The following DAPK1 variants were observed in gnomAD, a reference collection of about 807,000 sequenced individuals.
DAPK1 encodes death-associated protein kinase 1.
In DAPK1, 56 loss-of-function variants were observed where a neutral mutation model predicts 144.9. The ratio of observed to expected loss-of-function variants is 0.39; its 90% CI spans 0.31 to 0.48. The LOEUF is 0.48. Among genes scored for constraint, DAPK1 ranks in the 20% least tolerant of loss-of-function variants. The probability of loss-of-function intolerance (pLI) is 0.95; values close to 1 mark genes in which losing one functional copy is unlikely to be tolerated. For missense variants in DAPK1, 1,454 were observed against 1,875.4 expected (o/e 0.78, Z 4.15); for synonymous variants, 690 against 749.0 (o/e 0.92, Z 1.29).
Position 87,603,024 on chromosome 9 carries a change from A to G in DAPK1, c.63-1930A>G, listed in dbSNP as rs112701138. Among the ~76,000 whole-genome samples the G allele has an allele frequency of 2.6e-3, 398 of 152,034 alleles. 6 individuals are homozygous for G. Among genetic ancestry groups the G allele is most frequent in the African/African-American group, 8.6e-3 (355 of 41,418 alleles). Reference sequence around the variant, plus strand: ...GCCTTGAGTTGGAAGTCTCTGAGACAAGTTGCTTTGGCCATGTGTGAGGTA... The same window carrying G: ...GCCTTGAGTTGGAAGTCTCTGAGACGAGTTGCTTTGGCCATGTGTGAGGTA... On this transcript the variant is annotated intron_variant, in intron 2 of 25. Coordinates refer to ENST00000408954, the MANE Select transcript of DAPK1 (RefSeq NM_004938.4).
intron 2 of DAPK1, among the ~76,000 whole-genome samples, chr9:87,594,479 G>A (rs768763918): frequency 5.9e-5 from 9 of 152,218 alleles, no homozygotes; most frequent in Non-Finnish European, 1.2e-4. Flanking sequence ...CATATCTGAA[G>A]CATGTAGGAT....
intron 17 of DAPK1, among the ~76,000 whole-genome samples, chr9:87,654,467 G>A (rs1830565038): frequency 6.6e-6 from 1 of 152,182 alleles, no homozygotes; most frequent in South Asian, 2.1e-4. Context: ...TGCATGTTAT[G>A]TGATTAACTC....
chr9:87,540,673 C>T (rs574734291), intron 2 of DAPK1, among the ~76,000 whole-genome samples: 3 of 152,286 alleles, frequency 2.0e-5, no homozygotes, highest in South Asian at 4.1e-4. Flanking sequence ...TTCCTGAAAG[C>T]TGTGAAATCA....
chr9:87,518,114 T>TG (rs1825144443), intron 2 of DAPK1, among the ~76,000 whole-genome samples: 1 of 143,454 alleles, frequency 7.0e-6, no homozygotes, highest in African/African-American at 2.6e-5. Context: ...TGTTTTTTTT[T>TG]TTTTTTTTTT....
intron 21 of DAPK1, among the ~76,000 whole-genome samples, chr9:87,691,371 T>C (rs1251650213): frequency 6.6e-6 from 1 of 151,934 alleles, no homozygotes; most frequent in East Asian, 1.9e-4. Context: ...TTCTTTTGGG[T>C]CTTCTCTCTT....
At chr9:87,688,081 A>T (rs2117931979) in intron 21 of DAPK1, among the ~76,000 whole-genome samples, 1 of 152,108 alleles carries the variant, frequency 6.6e-6, no homozygotes, top group African/African-American at 2.4e-5. Flanking sequence ...TAGGGTACAA[A>T]TGATCCCTCC....
chr9:87,505,611 G>A (rs1368426573), intron 2 of DAPK1, among the ~76,000 whole-genome samples: 1 of 152,274 alleles, frequency 6.6e-6, no homozygotes, highest in East Asian at 1.9e-4. Context: ...TGGCCAGGCT[G>A]GTCTTGAACT....
Position 87,619,901 on chromosome 9 carries a change from G to A in DAPK1, c.284+14726G>A, listed in dbSNP as rs1049885699. On this transcript the variant is annotated intron_variant, in intron 3 of 25. Coordinates refer to ENST00000408954, the MANE Select transcript of DAPK1 (RefSeq NM_004938.4). ...TTTCTGCAAAGAAGGAAAGAAAGCC[G>A]ATGAGCTCTTCAGAAGATGAGCTCT... is the stretch of plus-strand genomic sequence containing the variant. 3.9e-4 allele frequency among the ~76,000 whole-genome samples: 60 copies of A among 152,144 alleles called. 1 individual carries two copies. Among genetic ancestry groups the A allele is most frequent in the Non-Finnish European group, 1.2e-4 (8 of 68,028 alleles).
Position 87,643,426 on chromosome 9 carries a change from G to C in DAPK1, c.969G>C (p.Leu323=), listed in dbSNP as rs769554156. 6.3e-7 allele frequency: 1 copy of C among 1,595,316 alleles called. No homozygotes were observed. Among genetic ancestry groups the C allele is most frequent in the Non-Finnish European group, 8.5e-7 (1 of 1,174,996 alleles). Residue 323 remains leucine (L), a synonymous_variant, in exon 11 of 26, where the codon CTG becomes CTC. Coordinates refer to ENST00000408954, the MANE Select transcript of DAPK1 (RefSeq NM_004938.4). ...GCCAAAGATTATCCAGGTCATTCCT[G>C]TCCAGAAGTAACATGAGTGTTGCCA... ...SLCQRLSRSF[L]SRSNMSVARS... is the part of the protein sequence containing the mutation.
At chr9:87,660,293 G>A (rs908385627) in intron 18 of DAPK1, among the ~76,000 whole-genome samples, 4 of 152,022 alleles carry the variant, frequency 2.6e-5, no homozygotes, top group South Asian at 2.1e-4. Flanking sequence ...CCGCAGGGCC[G>A]GGGAGACCCT....
rs201217492 is a variant in DAPK1, at chr9:87,669,770, G to GT, written c.2001+1096_2001+1097insT. Among the ~76,000 whole-genome samples, 374 of 151,894 alleles carry GT rather than the reference G, an allele frequency of 2.5e-3. 7 individuals carry two copies. In the South Asian group the frequency reaches 0.034, roughly 14 times the overall value. On this transcript the variant is annotated intron_variant, in intron 19 of 25. Transcript: ENST00000408954. ...CTGTGGTCTTGCCAGGGGCAGGGGGGGGCCACAGATTGGGATAATTTCTTT... is the reference window on the plus strand; with the variant it reads ...CTGTGGTCTTGCCAGGGGCAGGGGGGTGGCCACAGATTGGGATAATTTCTTT...
intron 2 of DAPK1, among the ~76,000 whole-genome samples, chr9:87,587,510 G>A (rs1312543366): frequency 6.6e-6 from 1 of 152,130 alleles, no homozygotes; most frequent in Non-Finnish European, 1.5e-5. Flanking sequence ...GGCTCTCCAA[G>A]AGATGGAGCA....
At chr9:87,579,041 G>T (rs1424164553) in intron 2 of DAPK1, among the ~76,000 whole-genome samples, 1 of 152,144 alleles carries the variant, frequency 6.6e-6, no homozygotes, top group African/African-American at 2.4e-5. Context: ...AAATGCTCTG[G>T]GATATTGCAG....
At chr9:87,652,298 C>T (rs377690427) in intron 17 of DAPK1, among the ~76,000 whole-genome samples, 17 of 118,166 alleles carry the variant, frequency 1.4e-4, no homozygotes, top group Admixed American at 5.2e-4. Context: ...CTGTGTCCTC[C>T]CACCTGATCC....
At chr9:87,612,316 T>C (rs930121618) in intron 3 of DAPK1, among the ~76,000 whole-genome samples, 1 of 152,198 alleles carries the variant, frequency 6.6e-6, no homozygotes, top group Non-Finnish European at 1.5e-5. Flanking sequence ...GATGAGGTCA[T>C]ACTGGAATAG....
chr9:87,601,943 T>C (rs1828536950), intron 2 of DAPK1, among the ~76,000 whole-genome samples: 1 of 152,174 alleles, frequency 6.6e-6, no homozygotes, highest in African/African-American at 2.4e-5. Context: ...ATGGACTACA[T>C]GAAGTAGGTC....
intron 2 of DAPK1, among the ~76,000 whole-genome samples, chr9:87,570,362 G>T (rs36203442): frequency 0.018 from 2,705 of 152,292 alleles, 63 homozygotes; most frequent in African/African-American, 0.059. Flanking sequence ...TAGCAAAGAA[G>T]AGAAAAATTA....
At position 87,706,258 on chromosome 9, in the gene DAPK1, C is replaced by T. The variant is rs560707636; in HGVS notation, c.3187C>T (p.Arg1063Cys). ...ACGGGCGCTGCACCACTACCGGGGC[C>T]GCTACACCGTGGAGGACATCCAGCG... Reference protein sequence around the residue: ...TPRALHHYRGRYTVEDIQRLV... With the variant: ...TPRALHHYRGCYTVEDIQRLV... Residue 1063 changes from arginine to cysteine, a missense_variant, in exon 26 of 26, where the codon CGC becomes TGC. Physicochemically the swap from Arg to Cys is radical, Grantham distance 180. Coordinates refer to ENST00000408954, the MANE Select transcript of DAPK1 (RefSeq NM_004938.4). This position sits in a 1 kb window ranked among gnomAD's most constrained non-coding sequence, Gnocchi z 9.0. 33 of 1,613,662 alleles carry T rather than the reference C, an allele frequency of 2.0e-5. No individual in the cohort carries two copies. The highest frequency in any genetic ancestry group is 2.5e-5 in the Non-Finnish European group (30 of 1,179,698).
At chr9:87,695,246 T>C (rs1825213737) in intron 21 of DAPK1, among the ~76,000 whole-genome samples, 1 of 152,108 alleles carries the variant, frequency 6.6e-6, no homozygotes, top group South Asian at 2.1e-4. Flanking sequence ...CTTTGGAGGG[T>C]GGTCCCTCCT....
Sources: gnomAD v4.1 joint callset for allele counts (sites outside exome capture counted in the v4.1 genomes callset) on GRCh38, gnomAD v4.1.1 for gene constraint, Gnocchi (gnomAD v3.1) non-coding constraint, MANE v1.5 for transcripts, NCBI Gene and HGNC (gene_info 2026-07-23, HGNC 2026-07-21) for gene names.